UTRN: variants seen among roughly 807,000 people sequenced by gnomAD.
The protein encoded by UTRN is utrophin.
Under a neutral mutation model 463.9 loss-of-function variants are expected in UTRN, and 283 were observed. The ratio of observed to expected loss-of-function variants is 0.61; its 90% CI spans 0.55 to 0.67. The LOEUF is 0.67. UTRN is among the 30% of genes least tolerant of loss of function. The pLI, the probability that UTRN is intolerant of heterozygous loss-of-function variation, is 0.00. For missense variants in UTRN, 3,922 were observed against 4,084.3 expected, an observed-to-expected ratio of 0.96 and a Z score of 1.08; for synonymous variants, 1,442 against 1,431.5, an observed-to-expected ratio of 1.01 and a Z score of -0.17.
rs878961474 is a variant in UTRN, at chr6:144,499,489, C to T, written c.4764+62C>T. The T allele has an allele frequency of 2.5e-5, 36 of 1,446,034 alleles. No individual in the cohort carries two copies. The South Asian group carries it at 3.1e-4, about 12-fold the overall frequency. The allele number at this position is 1,446,034 out of a possible 1,614,324, so 89.6% of individuals were successfully genotyped here. ...CAGCGTAACATGGCATTTGTTCGGG[C>T]GACCTGGTTGGATACCATGTCCCTC... On this transcript the variant is annotated intron_variant, in intron 34 of 74. Transcript: ENST00000367545.
chr6:144,532,564 A>C (rs963237629), intron 42 of UTRN, among the ~76,000 whole-genome samples: 13 of 152,144 alleles, frequency 8.5e-5, no homozygotes, highest in Non-Finnish European at 5.9e-5. Context: ...GCATGTGGGG[A>C]TTATGGGAGG....
intron 2 of UTRN, among the ~76,000 whole-genome samples, chr6:144,365,091 GGAA>G (rs1779399258): frequency 6.6e-6 from 1 of 152,160 alleles, no homozygotes; most frequent in Non-Finnish European, 1.5e-5. Context: ...CAAGTGGAGA[GGAA>G]GAAGATGTAT....
chr6:144,588,793 A>C (rs1240260599), intron 51 of UTRN, among the ~76,000 whole-genome samples: 1 of 152,202 alleles, frequency 6.6e-6, no homozygotes, highest in Non-Finnish European at 1.5e-5. Context: ...TATATTTGGT[A>C]GTTTATTTTT....
intron 23 of UTRN, among the ~76,000 whole-genome samples, chr6:144,469,355 A>G (rs1030178800): frequency 2.0e-5 from 3 of 152,134 alleles, no homozygotes; most frequent in African/African-American, 7.2e-5. Context: ...ATCTTAGTAT[A>G]ATAATCGCTA....
intron 50 of UTRN, among the ~76,000 whole-genome samples, chr6:144,561,681 A>G (rs1428561086): frequency 1.3e-5 from 2 of 152,156 alleles, no homozygotes; most frequent in Non-Finnish European, 2.9e-5. Flanking sequence ...GCTAACCTAT[A>G]GGAAGTTATT....
intron 26 of UTRN, among the ~76,000 whole-genome samples, chr6:144,481,699 AT>A (rs1278230085): frequency 6.6e-5 from 10 of 152,250 alleles, no homozygotes; most frequent in Admixed American, 5.9e-4. Context: ...AAATGAAAAC[AT>A]TTGTGGGAGC....
chr6:144,666,788 A>G (rs942255547), intron 51 of UTRN, among the ~76,000 whole-genome samples: 1 of 152,312 alleles, frequency 6.6e-6, no homozygotes, highest in Middle Eastern at 3.4e-3. Flanking sequence ...CTGGTAGCAC[A>G]GTTAAAGAAA....
At chr6:144,514,147 G>A in intron 36 of UTRN, 110 bp downstream of exon 36, 3 of 1,412,386 alleles carry the variant, frequency 2.1e-6, no homozygotes, top group South Asian at 1.4e-5. Context: ...CCAAGCATTA[G>A]ATTCATTAAC....
At chr6:144,598,303 G>A (rs570407181) in intron 51 of UTRN, among the ~76,000 whole-genome samples, 3 of 152,336 alleles carry the variant, frequency 2.0e-5, no homozygotes, top group Admixed American at 2.0e-4. Flanking sequence ...TGGCTTCCAT[G>A]TCGTAGGAGG....
chr6:144,785,846 A>C (rs1776248136), intron 61 of UTRN, among the ~76,000 whole-genome samples: 1 of 152,262 alleles, frequency 6.6e-6, no homozygotes, highest in South Asian at 2.1e-4. Context: ...AGCCTCAGTC[A>C]TCTTACCAGA....
intron 41 of UTRN, among the ~76,000 whole-genome samples, chr6:144,529,331 T>G (rs950120230): frequency 2.0e-5 from 3 of 152,182 alleles, no homozygotes; most frequent in South Asian, 2.1e-4. Flanking sequence ...TCCACCTCCT[T>G]CAAAGGGTCT....
chr6:144,767,869 T>G (rs1275984024), intron 58 of UTRN, among the ~76,000 whole-genome samples: 2 of 152,190 alleles, frequency 1.3e-5, no homozygotes, highest in African/African-American at 2.4e-5. Context: ...ATAATTGGAA[T>G]GGAATGATAT....
chr6:144,810,959 T>C (rs1374504615), intron 65 of UTRN, among the ~76,000 whole-genome samples: 1 of 152,178 alleles, frequency 6.6e-6, no homozygotes, highest in Non-Finnish European at 1.5e-5. Flanking sequence ...AAGCAAGAGG[T>C]TCAACTGTAT....
intron 2 of UTRN, among the ~76,000 whole-genome samples, chr6:144,399,669 G>T (rs1782766017): frequency 6.6e-6 from 1 of 152,126 alleles, no homozygotes; most frequent in Non-Finnish European, 1.5e-5. Context: ...AATAACAGTA[G>T]AGTTTTAGAG....
At chr6:144,424,111 A>G (rs766413090) in intron 6 of UTRN, 33 bp downstream of exon 6, 1 of 1,596,592 alleles carries the variant, frequency 6.3e-7, no homozygotes, top group Non-Finnish European at 8.6e-7. Flanking sequence ...TTTAATAGAG[A>G]TGGAAAATGT....
intron 51 of UTRN, among the ~76,000 whole-genome samples, chr6:144,640,054 G>C (rs1194914081): frequency 6.6e-6 from 1 of 151,324 alleles, no homozygotes; most frequent in Non-Finnish European, 1.5e-5. Flanking sequence ...TTTTGAGAGA[G>C]AGAGAGATTG....
At chr6:144,543,014 A>G (rs762404709) in intron 46 of UTRN, 144 bp downstream of exon 46, 14 of 736,242 alleles carry the variant, frequency 1.9e-5, no homozygotes, top group Non-Finnish European at 3.0e-5. Flanking sequence ...TTTGGAAAGA[A>G]CATCTTCTTT....
At position 144,423,627 on chromosome 6, in the gene UTRN, G is replaced by T. The variant is rs1584726509; in HGVS notation, c.312+1G>T. The T allele has an allele frequency of 1.2e-6, 2 of 1,614,202 alleles. No homozygotes were observed. The highest frequency in any genetic ancestry group is 4.5e-5 in the East Asian group (2 of 44,888). ...GCTGCAGGTTTTACATCAGAACAAT[G>T]TAAGTGTGTAATGTGAGTTCTGGGG... On this transcript the variant is annotated splice_donor_variant, in intron 5 of 74. Coordinates refer to ENST00000367545, the MANE Select transcript of UTRN (RefSeq NM_007124.3). LOFTEE classifies it high-confidence loss of function.
rs118101343 is a variant in UTRN at position 144,672,463 on chromosome 6, A to C, written c.7480-5943A>C. On this transcript the variant is annotated intron_variant, in intron 51 of 74. Transcript: ENST00000367545. The stretch of plus-strand genomic sequence containing the variant: ...GTGTGTAAAGGTGTTCACATTGTTC[A>C]TGGTAGCCTTGAATCATCTTTTGTA... Among the ~76,000 whole-genome samples the C allele has an allele frequency of 3.1e-4, 47 of 151,984 alleles. No individual in the cohort carries two copies. In the East Asian group the frequency reaches 8.3e-3, roughly 27 times the overall value.
Sources: gnomAD v4.1 joint callset for allele counts (sites outside exome capture counted in the v4.1 genomes callset) on GRCh38, gnomAD v4.1.1 for gene constraint, MANE v1.5 for transcripts, NCBI Gene and HGNC (gene_info 2026-07-23, HGNC 2026-07-21) for gene names.